Variants in SECISBP2L observed in about 807,000 individuals in gnomAD.
The protein encoded by SECISBP2L is selenocysteine insertion sequence-binding protein 2-like.
SECISBP2L carries 43 observed loss-of-function variants against 114.7 expected under a neutral mutation model. The observed-to-expected ratio is 0.38, with a 90% CI of 0.29 to 0.48. The LOEUF is 0.48. Ranked by LOEUF, SECISBP2L falls within the 20% of genes least tolerant of loss-of-function variation. The pLI is 0.98. For missense variants in SECISBP2L, 1,136 were observed against 1,301.1 expected (o/e 0.87, Z 1.95); for synonymous variants, 451 against 439.7 (o/e 1.03, Z -0.32).
intron 14 of SECISBP2L, among the ~76,000 whole-genome samples, chr15:49,004,440 CTCTGA>C (rs1902274176): frequency 1.3e-5 from 2 of 152,128 alleles, no homozygotes; most frequent in Non-Finnish European, 1.5e-5. Flanking sequence ...TTCAGTTCTG[CTCTGA>C]TCTTAGTTAT....
rs1255935751 is a variant in SECISBP2L, at chr15:48,997,369, A to T, written c.2404-783T>A. ...GACGAAGACCAAAAGTAAGTTGGTG[A>T]TAATATGGAGAGCTAGGACCTTGAA... On this transcript the variant is annotated intron_variant, in intron 16 of 17. Coordinates refer to ENST00000559471, the MANE Select transcript of SECISBP2L (RefSeq NM_001193489.2). 3.3e-5 allele frequency among the ~76,000 whole-genome samples: 5 copies of T among 152,192 alleles called. No individual in the cohort carries two copies. In the East Asian group the frequency reaches 9.6e-4, roughly 29 times the overall value.
At chr15:49,030,047 C>A (rs1467474728) in intron 4 of SECISBP2L, among the ~76,000 whole-genome samples, 8 of 142,436 alleles carry the variant, frequency 5.6e-5, no homozygotes, top group Admixed American at 7.0e-5. Context: ...CAAGACAGTC[C>A]AAAAAAAAAA....
chr15:49,039,309 A>G (rs1903072345), intron 1 of SECISBP2L, among the ~76,000 whole-genome samples: 1 of 152,130 alleles, frequency 6.6e-6, no homozygotes, highest in African/African-American at 2.4e-5. Context: ...TCACTCTGTG[A>G]TATTCATTAG....
At position 48,988,817 on chromosome 15, in the gene SECISBP2L, C is replaced by T. The variant is rs1051846436; in HGVS notation, c.*3427G>A. The T allele has an allele frequency of 5.3e-5, 11 of 206,462 alleles. No homozygotes were observed. Among genetic ancestry groups the T allele is most frequent in the African/African-American group, 1.4e-4 (6 of 43,346 alleles). The allele number at this position is 206,462 out of a possible 1,614,324, so 12.8% of individuals were successfully genotyped here. A position where few individuals can be genotyped will look rare whatever the true frequency, so the allele number is the denominator to read the frequency against. The stretch of plus-strand genomic sequence containing the variant: ...TTGCTAGTTTTTTATTAGAGCATTA[C>T]AATTAAGACATTAAATTATAAACTT... On this transcript the variant is annotated 3_prime_UTR_variant, in exon 18 of 18. Coordinates refer to ENST00000559471, the MANE Select transcript of SECISBP2L (RefSeq NM_001193489.2).
Position 48,992,898 on chromosome 15 carries a change from A to G in SECISBP2L, c.2652T>C (p.Thr884=), listed in dbSNP as rs1341084571. 1 of 1,613,148 alleles carries G rather than the reference A, an allele frequency of 6.2e-7. No individual in the cohort carries two copies. Among genetic ancestry groups the G allele is most frequent in the East Asian group, 2.2e-5 (1 of 44,870 alleles). Residue 884 remains threonine, a synonymous_variant, in exon 18 of 18, where the codon ACT becomes ACC. Coordinates refer to ENST00000559471, the MANE Select transcript of SECISBP2L (RefSeq NM_001193489.2). ...YETNWRNMVE[T]SDGLEASENE... is the part of the protein sequence containing the mutation. ...TTTCTGATGCTTCCAGTCCATCTGA[A>G]GTTTCCACCATGTTTCTCCAATTTG...
At chr15:49,021,209 C>G (rs1479767687) in intron 7 of SECISBP2L, among the ~76,000 whole-genome samples, 2 of 152,104 alleles carry the variant, frequency 1.3e-5, no homozygotes, top group Admixed American at 6.5e-5. Context: ...AGGCCCTTAC[C>G]AGACATCGAA....
intron 14 of SECISBP2L, among the ~76,000 whole-genome samples, chr15:49,003,446 A>T (rs944164753): frequency 1.3e-5 from 2 of 152,146 alleles, no homozygotes; most frequent in Non-Finnish European, 2.9e-5. Context: ...CTCTTGCCTG[A>T]TTGCCCTGGC....
chr15:49,011,949 G>T, intron 12 of SECISBP2L, 86 bp from the exon 13 acceptor site: 1 of 1,429,064 alleles, frequency 7.0e-7, no homozygotes, highest in Non-Finnish European at 9.6e-7. Flanking sequence ...ACACAGGTAT[G>T]GTAGTTCACT....
At chr15:49,033,369 ACTG>A (rs1450549376) in intron 3 of SECISBP2L, among the ~76,000 whole-genome samples, 2 of 152,202 alleles carry the variant, frequency 1.3e-5, no homozygotes, top group Non-Finnish European at 2.9e-5. Context: ...TTCATTTTTA[ACTG>A]CTAATTTTCT....
At chr15:49,027,812 T>C (rs932213600) in intron 6 of SECISBP2L, among the ~76,000 whole-genome samples, 1 of 152,160 alleles carries the variant, frequency 6.6e-6, no homozygotes, top group Admixed American at 6.5e-5. Context: ...GGTTTCATCA[T>C]GTTGGCCAGG....
At chr15:49,000,612 C>A (rs942161745) in intron 15 of SECISBP2L, among the ~76,000 whole-genome samples, 1 of 152,146 alleles carries the variant, frequency 6.6e-6, no homozygotes, top group Non-Finnish European at 1.5e-5. Flanking sequence ...TCTGGCTAGA[C>A]CTCCATCTGA....
intron 16 of SECISBP2L, among the ~76,000 whole-genome samples, chr15:48,997,177 C>A (rs1902110942): frequency 6.6e-6 from 1 of 152,144 alleles, no homozygotes; most frequent in Non-Finnish European, 1.5e-5. Flanking sequence ...AATAAAGCTA[C>A]AGACATAAGA....
chr15:49,046,239 AC>A (rs761058610), intron 1 of SECISBP2L, 36 bp downstream of exon 1: 72 of 1,570,448 alleles, frequency 4.6e-5, no homozygotes, highest in Non-Finnish European at 5.5e-5. Flanking sequence ...GGCGACCCCA[AC>A]CCCCGGCTCG....
chr15:49,004,129 T>C (rs886754757), intron 14 of SECISBP2L, among the ~76,000 whole-genome samples: 3 of 152,234 alleles, frequency 2.0e-5, no homozygotes, highest in African/African-American at 7.2e-5. Flanking sequence ...TTGTTATTGC[T>C]CTATTCAGGG....
At chr15:49,028,224 C>G (rs117292516) in intron 5 of SECISBP2L, 56 bp from the exon 6 acceptor site, 1 of 1,440,994 alleles carries the variant, frequency 6.9e-7, no homozygotes, top group Non-Finnish European at 9.4e-7. Flanking sequence ...ACATTATGTA[C>G]TTTGCTAAAT....
In SECISBP2L at chr15:49,019,572, G is replaced by GA. The variant is rs759859283; in HGVS notation, c.1036-21dup. 1.8e-5 allele frequency: 25 copies of GA among 1,426,940 alleles called. No homozygotes were observed. Among genetic ancestry groups the GA allele is most frequent in the South Asian group, 1.2e-4 (8 of 65,444 alleles). 88.4% of individuals were successfully genotyped at this position (1,426,940 alleles called of 1,614,324 possible). Reference sequence around the variant, plus strand: ...TCCAACCTAAGTAAACCCCAGAGGGGAAAAAAAATCTAATTATTTTTAAAT... The same window carrying GA: ...TCCAACCTAAGTAAACCCCAGAGGGGAAAAAAAAATCTAATTATTTTTAAAT... On this transcript the variant is annotated intron_variant, in intron 7 of 17. Coordinates refer to ENST00000559471, the MANE Select transcript of SECISBP2L (RefSeq NM_001193489.2).
intron 16 of SECISBP2L, among the ~76,000 whole-genome samples, chr15:48,997,410 A>C (rs987405701): frequency 6.6e-6 from 1 of 152,236 alleles, no homozygotes; most frequent in African/African-American, 2.4e-5. Flanking sequence ...TGAAAAGATA[A>C]CACAAGATAG....
At chr15:49,035,762 G>T in intron 2 of SECISBP2L, 104 bp from the exon 3 acceptor site, 2 of 1,038,364 alleles carry the variant, frequency 1.9e-6, no homozygotes, top group Non-Finnish European at 2.8e-6. Context: ...ACAGAACAGT[G>T]GCTTCATGAT....
intron 11 of SECISBP2L, 85 bp downstream of exon 11, chr15:49,016,475 T>C (rs1195427824): frequency 1.6e-6 from 2 of 1,227,056 alleles, no homozygotes; most frequent in Admixed American, 2.2e-5. Flanking sequence ...CACATACATA[T>C]ATAAAATTTT....
Sources: allele counts gnomAD v4.1 joint callset (sites outside exome capture counted in the v4.1 genomes callset), GRCh38; gene constraint gnomAD v4.1.1; transcripts MANE v1.5; gene names NCBI Gene and HGNC (gene_info 2026-07-23, HGNC 2026-07-21).